The following SRGAP2 variants were observed in gnomAD, a reference collection of about 807,000 sequenced individuals.
SRGAP2 encodes the protein SLIT-ROBO Rho GTPase activating protein 2.
In SRGAP2, 15 loss-of-function variants were observed where a neutral mutation model predicts 57.2. That is an observed-to-expected ratio of 0.26 (90% CI 0.18 to 0.40). The LOEUF (loss-of-function observed/expected upper bound fraction) is 0.40, where lower values mean the gene tolerates loss of function less well. SRGAP2 is among the 10% of genes least tolerant of loss of function. SRGAP2 has a pLI of 1.00. For missense variants in SRGAP2, 520 were observed against 669.6 expected (o/e 0.78, Z 2.47); for synonymous variants, 249 against 248.0 (o/e 1.00, Z -0.04).
intron 14 of SRGAP2, among the ~76,000 whole-genome samples, chr1:206,433,635 C>CAAA (rs71568100): frequency 1.8e-5 from 2 of 113,940 alleles, no homozygotes; most frequent in Admixed American, 9.4e-5. Flanking sequence ...GACCCTGTCT[C>CAAA]AAAAAAAAAA....
In SRGAP2 at chr1:206,446,264, T is replaced by G; in HGVS notation, c.2064T>G (p.Pro688=). 1.3e-6 allele frequency: 1 copy of G among 780,848 alleles called. No individual in the cohort carries two copies. Among genetic ancestry groups the G allele is most frequent in the South Asian group, 1.3e-5 (1 of 74,626 alleles). 48.4% of individuals were successfully genotyped at this position (780,848 alleles called of 1,614,324 possible). The change falls in exon 18 of 23, where the codon CCT becomes CCG. Residue 688 remains proline (P), a synonymous_variant. Transcript: ENST00000573034. ...IFPSPRELEG[P]VYSRGGSMED... ...CAAGCCCCAGGGAGCTGGAGGGCCC[T>G]GTCTACAGCAGAGGAGGAAGCATGG...
At position 206,461,298 on chromosome 1, in the gene SRGAP2, G is replaced by C. The variant is rs781977173; in HGVS notation, c.3094G>C (p.Ala1032Pro). ...GCCTGTCAAGTCTGTCAAGATGGCT[G>C]CCCCGGTCAAACCACCAGCCACACG... Reference protein sequence around the residue: ...FRPVKSVKMAAPVKPPATRPK... With the variant: ...FRPVKSVKMAPPVKPPATRPK... The change falls in exon 23 of 23, where the codon GCC becomes CCC. Residue 1032 changes from alanine to proline, a missense_variant. Transcript: ENST00000573034. 3.8e-6 allele frequency: 3 copies of C among 780,938 alleles called. No homozygotes were observed. Among genetic ancestry groups the C allele is most frequent in the Admixed American group, 3.4e-5 (2 of 59,048 alleles). The allele number at this position is 780,938 out of a possible 1,614,324, so 48.4% of individuals were successfully genotyped here.
intron 17 of SRGAP2, among the ~76,000 whole-genome samples, chr1:206,440,470 G>T (rs1662180969): frequency 6.6e-6 from 1 of 152,106 alleles, no homozygotes; most frequent in African/African-American, 2.4e-5. Flanking sequence ...GAGGAGAAAA[G>T]AGTGCCACGG....
At chr1:206,341,871 G>A (rs1472762227) in intron 3 of SRGAP2, among the ~76,000 whole-genome samples, 2 of 152,048 alleles carry the variant, frequency 1.3e-5, no homozygotes, top group Non-Finnish European at 2.9e-5. Context: ...GGTGGCAGGT[G>A]CCTATAATCC....
At chr1:206,342,323 A>C (rs1553335415) in intron 3 of SRGAP2, among the ~76,000 whole-genome samples, 1 of 152,170 alleles carries the variant, frequency 6.6e-6, no homozygotes, top group Non-Finnish European at 1.5e-5. Flanking sequence ...GAGACAAACC[A>C]AATGACTTAG....
chr1:206,453,747 T>G, intron 20 of SRGAP2: 1 of 257,616 alleles, frequency 3.9e-6, no homozygotes, highest in South Asian at 1.5e-4. Flanking sequence ...GGGAAAACAT[T>G]TTTGTTACTC....
intron 2 of SRGAP2, among the ~76,000 whole-genome samples, chr1:206,247,100 ACTT>A (rs1668543912): frequency 7.2e-6 from 1 of 139,482 alleles, no homozygotes; most frequent in Non-Finnish European, 1.6e-5. Context: ...GCAGCATTTC[ACTT>A]TTAATCCTTA....
intron 13 of SRGAP2, among the ~76,000 whole-genome samples, chr1:206,427,651 C>T (rs1464313096): frequency 6.6e-6 from 1 of 152,190 alleles, no homozygotes; most frequent in Non-Finnish European, 1.5e-5. Flanking sequence ...GGGGGATCCA[C>T]GCAGACCTGT....
chr1:206,355,877 G>A (rs1402364765), intron 4 of SRGAP2, among the ~76,000 whole-genome samples: 1 of 152,154 alleles, frequency 6.6e-6, no homozygotes, highest in African/African-American at 2.4e-5. Flanking sequence ...TTAGGGAGGA[G>A]AATCGCTTGA....
intron 2 of SRGAP2, among the ~76,000 whole-genome samples, chr1:206,266,628 C>G (rs1360842936): frequency 3.3e-5 from 5 of 152,098 alleles, no homozygotes; most frequent in Non-Finnish European, 5.9e-5. Context: ...TGTTAACTCA[C>G]TGAAGAAAAA....
chr1:206,346,728 T>C (rs1437627844), intron 4 of SRGAP2, among the ~76,000 whole-genome samples: 1 of 152,182 alleles, frequency 6.6e-6, no homozygotes, highest in Non-Finnish European at 1.5e-5. Flanking sequence ...TGTTTGTCAC[T>C]AGCAAAAGTC....
chr1:206,441,373 C>A (rs1343158396), intron 17 of SRGAP2, among the ~76,000 whole-genome samples: 1 of 152,090 alleles, frequency 6.6e-6, no homozygotes, highest in African/African-American at 2.4e-5. Context: ...GTCTGAGGAG[C>A]AGAGGGGGCC....
At chr1:206,394,038 C>CTTTTTTT in intron 7 of SRGAP2, among the ~76,000 whole-genome samples, 1 of 49,900 alleles carries the variant, frequency 2.0e-5, no homozygotes, top group Non-Finnish European at 3.2e-5. Flanking sequence ...TACTTTCTTC[C>CTTTTTTT]TTTTTTTTTT....
At chr1:206,430,300 TAGAGATTGA>T in intron 14 of SRGAP2, 78 bp downstream of exon 14, 1 of 762,058 alleles carries the variant, frequency 1.3e-6, no homozygotes, top group Non-Finnish European at 2.5e-6. Context: ...AGAGTAAGAA[TAGAGATTGA>T]CTTCCCATCC....
intron 2 of SRGAP2, among the ~76,000 whole-genome samples, chr1:206,240,498 A>G (rs1472564940): frequency 2.0e-5 from 3 of 152,148 alleles, no homozygotes; most frequent in Non-Finnish European, 2.9e-5. Flanking sequence ...CCATGCACGC[A>G]TGCAAGCAAG....
intron 3 of SRGAP2, among the ~76,000 whole-genome samples, chr1:206,306,407 G>GCCTC (rs1431250525): frequency 6.6e-6 from 1 of 152,186 alleles, no homozygotes; most frequent in Non-Finnish European, 1.5e-5. Context: ...TGGGCTTGTG[G>GCCTC]CCTCGCTGGG....
intron 2 of SRGAP2, among the ~76,000 whole-genome samples, chr1:206,267,169 T>C (rs1553314764): frequency 6.6e-6 from 1 of 151,850 alleles, no homozygotes; most frequent in South Asian, 2.1e-4. Flanking sequence ...GGGGTTTCAC[T>C]GTGTTAGCCA....
intron 2 of SRGAP2, among the ~76,000 whole-genome samples, chr1:206,285,879 T>C (rs2102701759): frequency 1.3e-5 from 2 of 152,268 alleles, no homozygotes; most frequent in South Asian, 4.1e-4. Context: ...TTGGCCAGGC[T>C]GGTCTTGAAC....
intron 2 of SRGAP2, among the ~76,000 whole-genome samples, chr1:206,260,032 A>G (rs1304873010): frequency 8.3e-5 from 4 of 47,924 alleles, no homozygotes; most frequent in African/African-American, 3.4e-4. Context: ...GGGAAGGAGG[A>G]CCACTCTCTA....
Sources: allele counts gnomAD v4.1 joint callset (sites outside exome capture counted in the v4.1 genomes callset), GRCh38; gene constraint gnomAD v4.1.1; transcripts MANE v1.5; gene names NCBI Gene and HGNC (gene_info 2026-07-23, HGNC 2026-07-21).